Variants in AK6 observed in about 807,000 individuals in gnomAD.
The protein encoded by AK6 is adenylate kinase 6.
AK6 carries 24 observed loss-of-function variants against 23.7 expected under a neutral mutation model. That is an observed-to-expected ratio of 1.01 (90% confidence interval 0.73 to 1.43). The LOEUF (loss-of-function observed/expected upper bound fraction) is 1.43. AK6 is among the 40% of genes most tolerant of loss of function. The pLI, the probability that AK6 is intolerant of heterozygous loss-of-function variation, is 0.00. For missense variants in AK6, 191 were observed against 199.1 expected, an observed-to-expected ratio of 0.96 and a Z score of 0.24; for synonymous variants, 73 against 69.8, an observed-to-expected ratio of 1.05 and a Z score of -0.23.
intron 2 of AK6, among the ~76,000 whole-genome samples, chr5:69,364,463 C>A (rs1292578950): frequency 1.3e-5 from 2 of 152,032 alleles, no homozygotes; most frequent in Non-Finnish European, 2.9e-5. Context: ...ATAATCAAAG[C>A]AGGTTAAGAA....
chr5:69,355,570 C>T (rs1404962535), intron 4 of AK6, 79 bp downstream of exon 4: 2 of 1,411,758 alleles, frequency 1.4e-6, no homozygotes. Flanking sequence ...CAACAACAAT[C>T]TTTTATCATG....
At chr5:69,359,223 T>C (rs1257569678) in intron 2 of AK6, among the ~76,000 whole-genome samples, 1 of 151,762 alleles carries the variant, frequency 6.6e-6, no homozygotes, top group African/African-American at 2.4e-5. Flanking sequence ...CAGTGATACC[T>C]TGTCTCAAAA....
rs905134442 is a variant in AK6, at chr5:69,364,988, A to G, written c.121+1515T>C. The G allele has an allele frequency of 7.4e-6, 12 of 1,613,598 alleles. No homozygotes were observed. The African/African-American group carries it at 1.6e-4, about 22-fold the overall frequency. ...CATCATCATCATCGTCATCATCATC[A>G]TCTTCACGTTTTCTTTTCAATGCAT... On this transcript the variant is annotated intron_variant, in intron 2 of 4. Coordinates refer to ENST00000380822, the MANE Select transcript of AK6 (RefSeq NM_016283.5).
Position 69,355,715 on chromosome 5 carries a change from C to T in AK6, c.260G>A (p.Arg87His), listed in dbSNP as rs560641299. 125 of 1,613,886 alleles carry T rather than the reference C, an allele frequency of 7.7e-5. No individual in the cohort carries two copies. The highest frequency in any genetic ancestry group is 1.0e-4 in the Non-Finnish European group (118 of 1,179,916). The change falls in exon 4 of 5, where the codon CGC becomes CAC. Residue 87 changes from arginine to histidine, a missense_variant. Physicochemically the swap from Arg to His is conservative, Grantham distance 29. Coordinates refer to ENST00000380822, the MANE Select transcript of AK6 (RefSeq NM_016283.5). ...DYHGCDFFPE[R>H]WFHIVFVLRT... is the part of the protein sequence containing the mutation. ...CAGCACAAAAACTATATGAAACCAG[C>T]GTTCAGGGAAGAAATCACAACCATG...
At chr5:69,358,707 A>C (rs1762148598) in intron 2 of AK6, among the ~76,000 whole-genome samples, 2 of 152,068 alleles carry the variant, frequency 1.3e-5, no homozygotes, top group Non-Finnish European at 2.9e-5. Flanking sequence ...AACGGATCCT[A>C]AACTTCATTT....
chr5:69,362,968 G>A (rs1010618676), intron 2 of AK6, among the ~76,000 whole-genome samples: 4 of 152,056 alleles, frequency 2.6e-5, no homozygotes, highest in East Asian at 3.9e-4. Flanking sequence ...AGTGGCTCTC[G>A]TCTGCAATCC....
intron 2 of AK6, among the ~76,000 whole-genome samples, chr5:69,361,854 C>T (rs1762246725): frequency 6.6e-6 from 1 of 151,800 alleles, no homozygotes; most frequent in Admixed American, 6.6e-5. Flanking sequence ...GATCCACCCG[C>T]CTCGGCCTCC....
chr5:69,359,038 C>T lies in AK6; in HGVS notation c.122-3085G>A, dbSNP rs150688979. 2.7e-3 allele frequency among the ~76,000 whole-genome samples: 413 copies of T among 150,458 alleles called. 1 individual carries two copies. The highest frequency in any genetic ancestry group is 9.7e-3 in the African/African-American group (398 of 40,936). On this transcript the variant is annotated intron_variant, in intron 2 of 4. Transcript: ENST00000380822. ...GGAGGATCTCTTGAGCCTGGGAGTT[C>T]GGGATCACCCTGGATAACATAGCAA...
intron 2 of AK6, among the ~76,000 whole-genome samples, chr5:69,362,952 A>C (rs1243304535): frequency 6.6e-6 from 1 of 152,130 alleles, no homozygotes; most frequent in Non-Finnish European, 1.5e-5. Flanking sequence ...TGAGTACTTG[A>C]GGTACAGTGG....
chr5:69,357,365 T>G (rs1225181135), intron 2 of AK6, among the ~76,000 whole-genome samples: 1 of 152,142 alleles, frequency 6.6e-6, no homozygotes, highest in Non-Finnish European at 1.5e-5. Context: ...TGGTTAACAA[T>G]TTAGAAAACA....
chr5:69,369,475 T>C lies in AK6; in HGVS notation c.16A>G (p.Ile6Val). 1.9e-6 allele frequency: 3 copies of C among 1,610,998 alleles called. No homozygotes were observed. The highest frequency in any genetic ancestry group is 1.1e-5 in the South Asian group (1 of 90,896). ...CGCGCGCCCTGACCGGTGAGCAGGA[T>C]GTTCGGAAGCAACATGGTCCCCGCC... MLLPN[I>V]LLTGTPGVGK... The change falls in exon 1 of 5, where the codon ATC becomes GTC. Residue 6 changes from isoleucine (I) to valine (V), a missense_variant. Coordinates refer to ENST00000380822, the MANE Select transcript of AK6 (RefSeq NM_016283.5).
chr5:69,363,440 ATGG>A (rs1762294931), intron 2 of AK6, among the ~76,000 whole-genome samples: 1 of 152,236 alleles, frequency 6.6e-6, no homozygotes. Flanking sequence ...CTTGTCAAAA[ATGG>A]TGGTGTTCAA....
rs1400649008 is a variant in AK6, at chr5:69,351,499, T to G, written c.*562A>C. ...ATATACTGTTATATTCTTTAAAAAATGTACACATGTACATATACACTGTGC... is the reference window on the plus strand; with the variant it reads ...ATATACTGTTATATTCTTTAAAAAAGGTACACATGTACATATACACTGTGC... On this transcript the variant is annotated 3_prime_UTR_variant, in exon 5 of 5. Transcript: ENST00000380822. 6.6e-6 allele frequency: 1 copy of G among 152,144 alleles called. No individual in the cohort carries two copies. The allele number at this position is 152,144 out of a possible 1,614,324, so 9.4% of individuals were successfully genotyped here.
At chr5:69,360,762 T>A (rs925845942) in intron 2 of AK6, among the ~76,000 whole-genome samples, 1 of 152,040 alleles carries the variant, frequency 6.6e-6, no homozygotes. Flanking sequence ...CAGAAAAGGA[T>A]AGAACAGGGA....
intron 2 of AK6, among the ~76,000 whole-genome samples, chr5:69,358,977 G>C (rs1426650295): frequency 1.3e-5 from 2 of 151,692 alleles, no homozygotes; most frequent in Non-Finnish European, 2.9e-5. Context: ...ATGGTGGTTC[G>C]CGCTTATAAT....
At chr5:69,354,839 T>G (rs1195368402) in intron 4 of AK6, among the ~76,000 whole-genome samples, 3 of 152,202 alleles carry the variant, frequency 2.0e-5, no homozygotes, top group Non-Finnish European at 4.4e-5. Flanking sequence ...TTCTTTTTTT[T>G]GTTTGAGACG....
chr5:69,369,515 C>G lies in AK6; in HGVS notation c.-25G>C. ...TGGTCCCCGCCGCGACGGCTTCGGGCGCCTCGCTCACGTGCCCTTTGCTCT... is the reference window on the plus strand; with the variant it reads ...TGGTCCCCGCCGCGACGGCTTCGGGGGCCTCGCTCACGTGCCCTTTGCTCT... On this transcript the variant is annotated 5_prime_UTR_variant, in exon 1 of 5. Coordinates refer to ENST00000380822, the MANE Select transcript of AK6 (RefSeq NM_016283.5). The G allele has an allele frequency of 6.2e-7, 1 of 1,611,126 alleles. No homozygotes were observed. Among genetic ancestry groups the G allele is most frequent in the Non-Finnish European group, 8.5e-7 (1 of 1,179,188 alleles).
intron 2 of AK6, among the ~76,000 whole-genome samples, chr5:69,362,300 G>A (rs1762262462): frequency 1.3e-5 from 2 of 152,098 alleles, no homozygotes; most frequent in East Asian, 3.9e-4. Context: ...AACCCAAAAT[G>A]TCTTCACACA....
At chr5:69,355,206 T>C (rs1188745365) in intron 4 of AK6, among the ~76,000 whole-genome samples, 1 of 152,194 alleles carries the variant, frequency 6.6e-6, no homozygotes, top group African/African-American at 2.4e-5. Flanking sequence ...CAAAAAGTAC[T>C]GCCCATATTT....
Sources: allele counts gnomAD v4.1 joint callset (sites outside exome capture counted in the v4.1 genomes callset), GRCh38; gene constraint gnomAD v4.1.1; transcripts MANE v1.5; gene names NCBI Gene and HGNC (gene_info 2026-07-23, HGNC 2026-07-21).